Variants in NLRP7 observed in about 807,000 individuals in gnomAD.
The protein encoded by NLRP7 is NACHT, LRR and PYD domains-containing protein 7.
Under a neutral mutation model 85.5 loss-of-function variants are expected in NLRP7, and 72 were observed. That is an observed-to-expected ratio of 0.84 (90% CI 0.70 to 1.02). NLRP7 has a LOEUF of 1.02. Among genes scored for constraint, NLRP7 ranks in the 50% least tolerant of loss-of-function variants. The probability of loss-of-function intolerance (pLI) is 0.00; values close to 1 mark genes in which losing one functional copy is unlikely to be tolerated. For synonymous variants in NLRP7, 550 were observed against 505.2 expected (o/e 1.09, Z -1.19); for missense variants, 1,243 against 1,219.5 (o/e 1.02, Z -0.29).
upstream of NLRP7, among the ~76,000 whole-genome samples, chr19:54,951,900 G>C (rs1439302362): frequency 6.6e-6 from 1 of 152,004 alleles, no homozygotes. Context: ...ACAGGTGCCT[G>C]CAACCATGCC....
In NLRP7 at chr19:54,939,328, G is replaced by A. The variant is rs775880; in HGVS notation, c.1491C>T (p.Ile497=). Reference sequence around the variant, plus strand: ...CGGAAAGCAGCTTCTGTACGTCCCCGATGTCCCAGGCGTGGCCGTCCCTGT... The same window carrying A: ...CGGAAAGCAGCTTCTGTACGTCCCCAATGTCCCAGGCGTGGCCGTCCCTGT... Residue 497 remains isoleucine (I), a synonymous_variant, in exon 4 of 10, where the codon ATC becomes ATT. Coordinates refer to ENST00000340844, the Ensembl canonical transcript of NLRP7. 73,203 of 1,562,746 alleles carry A rather than the reference G, an allele frequency of 0.047. 2,674 individuals carry two copies. The highest frequency in any genetic ancestry group is 0.22 in the African/African-American group (16,120 of 74,390).
upstream of NLRP7, among the ~76,000 whole-genome samples, chr19:54,949,302 G>A (rs370664465): frequency 2.6e-4 from 40 of 151,024 alleles, no homozygotes; most frequent in East Asian, 2.9e-3. Flanking sequence ...ATGGCCAGGC[G>A]CAGTGGTTCA....
At chr19:54,953,745 G>A (rs2069752165) in intron 1 of NLRP7, among the ~76,000 whole-genome samples, 1 of 151,940 alleles carries the variant, frequency 6.6e-6, no homozygotes, top group African/African-American at 2.4e-5. Flanking sequence ...GCTCACACCT[G>A]TAATCCCAGC....
chr19:54,939,322 G>A (rs202189525), exon 4 of NLRP7: 6 of 1,614,044 alleles, frequency 3.7e-6, no homozygotes, highest in Non-Finnish European at 5.1e-6. Flanking sequence ...GCTTCTGTAC[G>A]TCCCCGATGT....
chr19:54,964,318 G>T (rs1334322292), intron 1 of NLRP7, among the ~76,000 whole-genome samples: 1 of 135,752 alleles, frequency 7.4e-6, no homozygotes, highest in African/African-American at 2.8e-5. Context: ...CCGGGTTCAC[G>T]CCATTCTCCT....
intron 6 of NLRP7, among the ~76,000 whole-genome samples, chr19:54,935,166 T>C (rs996195050): frequency 2.0e-5 from 3 of 152,032 alleles, no homozygotes; most frequent in Admixed American, 6.6e-5. Context: ...CTCCAAGAGA[T>C]TGTAATACAA....
At chr19:54,940,227 A>G (rs2069161256) in exon 4 of NLRP7, 1 of 1,614,196 alleles carries the variant, frequency 6.2e-7, no homozygotes, top group Non-Finnish European at 8.5e-7. Flanking sequence ...CTGAGGTTGC[A>G]GTCTGTCCAG....
chr19:54,926,139 ATCT>A (rs1190602370), intron 9 of NLRP7, among the ~76,000 whole-genome samples: 1 of 152,100 alleles, frequency 6.6e-6, no homozygotes, highest in East Asian at 1.9e-4. Context: ...CTGTAGGACG[ATCT>A]TCTGAAAAGC....
rs2069448733 is a variant in NLRP7, at chr19:54,945,902, G to T, written c.-40+1567C>A. 3.3e-5 allele frequency among the ~76,000 whole-genome samples: 5 copies of T among 151,902 alleles called. No homozygotes were observed. In the South Asian group the frequency reaches 1.0e-3, roughly 32 times the overall value. On this transcript the variant is annotated intron_variant, in intron 1 of 9. Coordinates refer to ENST00000340844, the Ensembl canonical transcript of NLRP7. Reference sequence around the variant, plus strand: ...CCTCCCAGGTTCACGCCATTCTCCTGCCTCAGCCTCCCAAGTAGCTGGGAC... The same window carrying T: ...CCTCCCAGGTTCACGCCATTCTCCTTCCTCAGCCTCCCAAGTAGCTGGGAC...
chr19:54,960,856 A>T (rs2146286710), intron 1 of NLRP7, among the ~76,000 whole-genome samples: 1 of 152,136 alleles, frequency 6.6e-6, no homozygotes, highest in East Asian at 1.9e-4. Context: ...CGGCCTCCCA[A>T]AGTGCTGGGA....
chr19:54,940,527 TCAAGTAC>T, intron 3 of NLRP7, 61 bp from the exon 4 acceptor site: 2 of 1,584,058 alleles, frequency 1.3e-6, no homozygotes, highest in African/African-American at 1.3e-5. Context: ...AATTATTTTG[TCAAGTAC>T]CAGAAATGAG....
intron 9 of NLRP7, among the ~76,000 whole-genome samples, chr19:54,926,234 G>A (rs1569538879): frequency 6.7e-6 from 1 of 149,168 alleles, no homozygotes; most frequent in Non-Finnish European, 1.5e-5. Flanking sequence ...GTGTGCTCAT[G>A]CACACACATA....
exon 4 of NLRP7, chr19:54,940,259 A>G: frequency 6.2e-7 from 1 of 1,614,184 alleles, no homozygotes; most frequent in Non-Finnish European, 8.5e-7. Context: ...CTTTTTGGCC[A>G]GCGTGGTTTT....
chr19:54,949,130 T>A (rs1482996213), upstream of NLRP7: 1 of 151,686 alleles, frequency 6.6e-6, no homozygotes, highest in Admixed American at 6.6e-5. Context: ...AATAAAGAAT[T>A]AGCCAGGCAT....
Position 54,928,762 on chromosome 19 carries a change from G to A in NLRP7, c.2810+1737C>T, listed in dbSNP as rs145384411. On this transcript the variant is annotated intron_variant, in intron 9 of 9. Transcript: ENST00000340844. ...ATGATTTATGGCTCATAACTTACAC[G>A]AGGATCCCCCATAAGGCCCTGTAGG... Among the ~76,000 whole-genome samples, 15 of 152,110 alleles carry A rather than the reference G, an allele frequency of 9.9e-5. No homozygotes were observed. The East Asian group carries it at 1.7e-3, about 18-fold the overall frequency.
At chr19:54,959,960 C>T (rs1462110931) in intron 1 of NLRP7, among the ~76,000 whole-genome samples, 1 of 151,756 alleles carries the variant, frequency 6.6e-6, no homozygotes, top group Non-Finnish European at 1.5e-5. Flanking sequence ...CTGGTGTAGA[C>T]AGGCTTTCAC....
At chr19:54,939,875 T>A in exon 4 of NLRP7, 2 of 1,614,062 alleles carry the variant, frequency 1.2e-6, no homozygotes, top group Middle Eastern at 3.3e-4. Context: ...GTAGATCGGC[T>A]GCTGCGCCAG....
intron 1 of NLRP7, among the ~76,000 whole-genome samples, chr19:54,946,223 T>C (rs956824435): frequency 1.3e-5 from 2 of 151,730 alleles, no homozygotes; most frequent in Non-Finnish European, 2.9e-5. Flanking sequence ...ATTTTTTTTT[T>C]TTTTTGATGC....
exon 5 of NLRP7, chr19:54,938,220 C>G (rs370874996): frequency 6.2e-7 from 1 of 1,613,878 alleles, no homozygotes. Flanking sequence ...GAGCCCAGTT[C>G]GGAATGGTTA....
Sources: allele counts gnomAD v4.1 joint callset (sites outside exome capture counted in the v4.1 genomes callset), GRCh38; gene constraint gnomAD v4.1.1; transcripts MANE v1.5; gene names NCBI Gene and HGNC (gene_info 2026-07-23, HGNC 2026-07-21).